PSD3: variants seen among roughly 807,000 people sequenced by gnomAD.
PSD3 encodes the protein PH and SEC7 domain-containing protein 3.
A neutral mutation model predicts 105.5 loss-of-function variants in PSD3; 49 were observed. That is an observed-to-expected ratio of 0.46 (90% CI 0.37 to 0.59). The LOEUF (loss-of-function observed/expected upper bound fraction) is 0.59, where lower values mean the gene tolerates loss of function less well. PSD3 is among the 20% of genes least tolerant of loss of function. The probability of loss-of-function intolerance (pLI) is 0.00; values close to 1 mark genes in which losing one functional copy is unlikely to be tolerated. For synonymous variants in PSD3, 557 were observed against 457.8 expected (o/e 1.22, Z -2.77); for missense variants, 1,561 against 1,263.8 (o/e 1.24, Z -3.57).
chr8:18,548,335 G>C (rs1200936695), intron 15 of PSD3, among the ~76,000 whole-genome samples: 1 of 152,048 alleles, frequency 6.6e-6, no homozygotes, highest in African/African-American at 2.4e-5. Context: ...CTTTGAAATT[G>C]GTTACTAGAA....
In PSD3 at chr8:18,858,284, A is replaced by G. The variant is rs200115201; in HGVS notation, c.1634+9390T>C. ...TTTGTCTAAAAACAACAGTGTACATACTTTCCTTTAAAAACAAACTTTATT... is the reference window on the plus strand; with the variant it reads ...TTTGTCTAAAAACAACAGTGTACATGCTTTCCTTTAAAAACAAACTTTATT... On this transcript the variant is annotated intron_variant, in intron 4 of 15. Transcript: ENST00000327040. Among the ~76,000 whole-genome samples the G allele has an allele frequency of 3.9e-4, 59 of 152,336 alleles. 2 individuals carry two copies. In the East Asian group the frequency reaches 9.5e-3, roughly 24 times the overall value.
At chr8:18,609,201 G>C in intron 11 of PSD3, among the ~76,000 whole-genome samples, 1 of 152,182 alleles carries the variant, frequency 6.6e-6, no homozygotes. Flanking sequence ...TAGAGAGAGA[G>C]AATTAGCCAT....
Position 18,917,800 on chromosome 8 carries a change from A to G in PSD3, c.130+18234T>C, listed in dbSNP as rs530144668. Reference sequence around the variant, plus strand: ...CAAGGATGGCAGACCAACTAGCCCAAAGTAGCCAGGACCTGCAACACCGTG... The same window carrying G: ...CAAGGATGGCAGACCAACTAGCCCAGAGTAGCCAGGACCTGCAACACCGTG... On this transcript the variant is annotated intron_variant, in intron 2 of 15. Coordinates refer to ENST00000327040, the MANE Select transcript of PSD3 (RefSeq NM_015310.4). Among the ~76,000 whole-genome samples the G allele has an allele frequency of 5.3e-5, 8 of 152,252 alleles. No individual in the cohort carries two copies. In the South Asian group the frequency reaches 1.2e-3, roughly 24 times the overall value.
chr8:18,616,641 T>C (rs948533973), intron 11 of PSD3, among the ~76,000 whole-genome samples: 2 of 126,082 alleles, frequency 1.6e-5, no homozygotes, highest in Admixed American at 1.6e-4. Context: ...TTTTTTTTTT[T>C]GAGACGGAGT....
chr8:18,993,664 T>A (rs17469407), intron 1 of PSD3, among the ~76,000 whole-genome samples: 19,090 of 151,972 alleles, frequency 0.13, 1,458 homozygotes, highest in Non-Finnish European at 0.16. Context: ...CACTGAAAGT[T>A]TGCCTTATAC....
intron 9 of PSD3, among the ~76,000 whole-genome samples, chr8:18,720,241 A>G (rs10090325): frequency 0.99 from 151,074 of 152,304 alleles, 74,940 homozygotes; most frequent in Middle Eastern, 1. Context: ...ACCATATTTT[A>G]TTAAAATGGT....
chr8:19,049,380 C>T (rs1034524168), intron 1 of PSD3, among the ~76,000 whole-genome samples: 1 of 152,092 alleles, frequency 6.6e-6, no homozygotes, highest in African/African-American at 2.4e-5. Context: ...CCTTCATGTG[C>T]CTTTACAATC....
At chr8:18,699,246 C>T (rs1489679033) in intron 9 of PSD3, among the ~76,000 whole-genome samples, 2 of 152,128 alleles carry the variant, frequency 1.3e-5, no homozygotes, top group South Asian at 2.1e-4. Context: ...CAGAAAAATT[C>T]ATAAGTCCCC....
intron 2 of PSD3, among the ~76,000 whole-genome samples, chr8:18,897,559 A>G (rs1432961463): frequency 6.6e-6 from 1 of 152,204 alleles, no homozygotes; most frequent in Non-Finnish European, 1.5e-5. Flanking sequence ...GTACTTTGAT[A>G]GGGAATGCAC....
Position 18,869,156 on chromosome 8 carries a change from C to A in PSD3, c.1239-1087G>T, listed in dbSNP as rs3758142. Among the ~76,000 whole-genome samples the A allele has an allele frequency of 3.3e-5, 5 of 150,698 alleles. No homozygotes were observed. In the East Asian group the frequency reaches 9.7e-4, roughly 29 times the overall value. On this transcript the variant is annotated intron_variant, in intron 3 of 15. Transcript: ENST00000327040. ...GTTCCTAAGATGATGCTCCTCCCTA[C>A]CTCTCCACACTCACTGCACCCCACT...
chr8:18,710,472 T>A (rs1025118724), intron 9 of PSD3, among the ~76,000 whole-genome samples: 4 of 151,924 alleles, frequency 2.6e-5, no homozygotes, highest in African/African-American at 9.7e-5. Flanking sequence ...AGGCAAATAT[T>A]CACATTGAGG....
chr8:18,916,010 C>A (rs141082913), intron 2 of PSD3, among the ~76,000 whole-genome samples: 7,535 of 151,968 alleles, frequency 0.05, 205 homozygotes, highest in Admixed American at 0.081. Flanking sequence ...GCAGGAGAAT[C>A]GCTTGAACCC....
chr8:19,028,983 G>A (rs1334335204), intron 1 of PSD3, among the ~76,000 whole-genome samples: 1 of 152,070 alleles, frequency 6.6e-6, no homozygotes, highest in Non-Finnish European at 1.5e-5. Context: ...CATTATATAT[G>A]TGAACTACTT....
chr8:18,681,258 C>T (rs1800370073), intron 9 of PSD3, among the ~76,000 whole-genome samples: 1 of 151,884 alleles, frequency 6.6e-6, no homozygotes, highest in Non-Finnish European at 1.5e-5. Context: ...ATTAGACATC[C>T]TGCATTTTGG....
At chr8:18,673,213 CA>C (rs201294976) in intron 9 of PSD3, among the ~76,000 whole-genome samples, 3,598 of 152,142 alleles carry the variant, frequency 0.024, 165 homozygotes, top group East Asian at 0.14. Flanking sequence ...CACACACACA[CA>C]CACACCCACA....
chr8:18,736,193 G>T (rs1042442851), intron 9 of PSD3, among the ~76,000 whole-genome samples: 2 of 152,016 alleles, frequency 1.3e-5, no homozygotes, highest in African/African-American at 4.8e-5. Flanking sequence ...ACAAACTCTG[G>T]AATAAGATGC....
intron 9 of PSD3, among the ~76,000 whole-genome samples, chr8:18,663,765 C>T (rs549844352): frequency 5.8e-4 from 88 of 152,340 alleles, no homozygotes; most frequent in African/African-American, 1.8e-3. Flanking sequence ...AGGGATACCT[C>T]ACTGTATTGT....
intron 8 of PSD3, among the ~76,000 whole-genome samples, chr8:18,780,274 T>C (rs1808479648): frequency 6.6e-6 from 1 of 152,220 alleles, no homozygotes. Flanking sequence ...ATTATCTTTT[T>C]CCATCCCTTC....
chr8:18,913,086 A>ACACACAC (rs1820350128), intron 2 of PSD3, among the ~76,000 whole-genome samples: 4 of 130,466 alleles, frequency 3.1e-5, no homozygotes, highest in South Asian at 2.6e-4. Context: ...CACACACACA[A>ACACACAC]ACACACACAC....
Sources: gnomAD v4.1 joint callset for allele counts (sites outside exome capture counted in the v4.1 genomes callset) on GRCh38, gnomAD v4.1.1 for gene constraint, MANE v1.5 for transcripts, NCBI Gene and HGNC (gene_info 2026-07-23, HGNC 2026-07-21) for gene names.